Variants in ATE1 observed in about 807,000 individuals in gnomAD.
ATE1 encodes the protein arginyltransferase 1.
A neutral mutation model predicts 70.5 loss-of-function variants in ATE1; 36 were observed. The observed-to-expected ratio is 0.51, with a 90% CI of 0.39 to 0.67. The LOEUF is 0.67. ATE1 is among the 30% of genes least tolerant of loss of function. The pLI is 0.00. For missense variants in ATE1, 593 were observed against 629.5 expected, an observed-to-expected ratio of 0.94 and a Z score of 0.62; for synonymous variants, 232 against 219.3, an observed-to-expected ratio of 1.06 and a Z score of -0.51.
At chr10:121,908,998 GTTGTT>G (rs1213058093) in intron 5 of ATE1, among the ~76,000 whole-genome samples, 2 of 152,172 alleles carry the variant, frequency 1.3e-5, no homozygotes, top group Non-Finnish European at 2.9e-5. Context: ...GATTGTTGTT[GTTGTT>G]TTGAGACAGG....
intron 6 of ATE1, among the ~76,000 whole-genome samples, chr10:121,900,828 G>A (rs1238944080): frequency 6.6e-6 from 1 of 152,152 alleles, no homozygotes; most frequent in African/African-American, 2.4e-5. Context: ...TGTTAAGCGT[G>A]CTTGGCCTCC....
At chr10:121,852,653 G>A (rs1949099131) in intron 8 of ATE1, among the ~76,000 whole-genome samples, 1 of 152,164 alleles carries the variant, frequency 6.6e-6, no homozygotes, top group Non-Finnish European at 1.5e-5. Context: ...AGAGGTTGCA[G>A]TGAGCTGAGA....
At chr10:121,743,996 C>T (rs1335994898) in intron 11 of ATE1, 138 bp from the exon 12 acceptor site, 1 of 908,374 alleles carries the variant, frequency 1.1e-6, no homozygotes, top group Non-Finnish European at 1.6e-6. Flanking sequence ...TGTCTCACCT[C>T]ACTGCAACAT....
intron 8 of ATE1, among the ~76,000 whole-genome samples, chr10:121,868,935 A>G (rs1030702218): frequency 6.6e-6 from 1 of 152,240 alleles, no homozygotes; most frequent in African/African-American, 2.4e-5. Flanking sequence ...TTATAAAAGC[A>G]GAAATGGTCT....
intron 1 of ATE1, chr10:121,927,127 G>A (rs1952124468): frequency 1.0e-6 from 1 of 985,372 alleles, no homozygotes; most frequent in Non-Finnish European, 1.2e-6. Flanking sequence ...TAAACACGAT[G>A]TTTTGTTTAC....
chr10:121,825,553 A>T (rs567304784), intron 10 of ATE1, among the ~76,000 whole-genome samples: 1 of 152,324 alleles, frequency 6.6e-6, no homozygotes, highest in African/African-American at 2.4e-5. Context: ...CTGACAAACG[A>T]AACATGTGAA....
intron 8 of ATE1, among the ~76,000 whole-genome samples, chr10:121,862,475 G>A (rs1308804628): frequency 6.6e-6 from 1 of 151,232 alleles, no homozygotes; most frequent in Non-Finnish European, 1.5e-5. Flanking sequence ...TCCTACCTCA[G>A]CCTCCAGAAT....
At chr10:121,824,329 C>T (rs1471432832) in intron 10 of ATE1, among the ~76,000 whole-genome samples, 1 of 152,172 alleles carries the variant, frequency 6.6e-6, no homozygotes, top group Non-Finnish European at 1.5e-5. Flanking sequence ...TGTCCACATG[C>T]ATCACCCCGG....
chr10:121,831,892 C>A (rs964351139), intron 10 of ATE1, among the ~76,000 whole-genome samples: 1 of 152,148 alleles, frequency 6.6e-6, no homozygotes, highest in South Asian at 2.1e-4. Flanking sequence ...GATCTACAGT[C>A]ACAGTAACTT....
chr10:121,881,160 A>C (rs1264222757), intron 7 of ATE1, among the ~76,000 whole-genome samples: 1 of 152,302 alleles, frequency 6.6e-6, no homozygotes, highest in African/African-American at 2.4e-5. Context: ...AGTAGCTTTC[A>C]ATTTGGCAAC....
chr10:121,866,796 A>T (rs2133995392), intron 8 of ATE1, among the ~76,000 whole-genome samples: 1 of 149,576 alleles, frequency 6.7e-6, no homozygotes, highest in Middle Eastern at 3.5e-3. Context: ...CAGTATGCTG[A>T]GATAGTGCTA....
At chr10:121,910,644 T>A (rs11200246) in intron 5 of ATE1, among the ~76,000 whole-genome samples, 23,616 of 148,512 alleles carry the variant, frequency 0.16, 1,995 homozygotes, top group East Asian at 0.34. Flanking sequence ...TGTAAGGCCC[T>A]AAAGTAGTAA....
At chr10:121,882,758 G>C (rs1950266464) in intron 7 of ATE1, among the ~76,000 whole-genome samples, 1 of 152,178 alleles carries the variant, frequency 6.6e-6, no homozygotes, top group Non-Finnish European at 1.5e-5. Flanking sequence ...GGGCACATTT[G>C]TTCTCAGGCA....
chr10:121,825,260 G>T (rs1276395373), intron 10 of ATE1, among the ~76,000 whole-genome samples: 1 of 152,118 alleles, frequency 6.6e-6, no homozygotes, highest in African/African-American at 2.4e-5. Context: ...CTGAATGAAG[G>T]TTGAAAGGAC....
intron 7 of ATE1, among the ~76,000 whole-genome samples, chr10:121,897,071 C>T (rs1359388392): frequency 1.3e-5 from 2 of 152,150 alleles, no homozygotes; most frequent in Non-Finnish European, 2.9e-5. Context: ...AAAAACCTCT[C>T]TAACCTCCAG....
At chr10:121,884,958 G>A (rs1006207801) in intron 7 of ATE1, among the ~76,000 whole-genome samples, 1 of 152,046 alleles carries the variant, frequency 6.6e-6, no homozygotes, top group Non-Finnish European at 1.5e-5. Context: ...AAGTTAGCCT[G>A]GCTTTAAAAA....
At chr10:121,878,282 T>A (rs1482983571) in intron 7 of ATE1, among the ~76,000 whole-genome samples, 1 of 152,184 alleles carries the variant, frequency 6.6e-6, no homozygotes, top group African/African-American at 2.4e-5. Context: ...GAGCAGTGAC[T>A]ATAAGAGCAT....
At chr10:121,926,368 G>A (rs1221049913) in intron 1 of ATE1, among the ~76,000 whole-genome samples, 1 of 152,026 alleles carries the variant, frequency 6.6e-6, no homozygotes, top group African/African-American at 2.4e-5. Context: ...TCACACTAAG[G>A]AGTTACCCAA....
intron 8 of ATE1, among the ~76,000 whole-genome samples, chr10:121,851,832 C>T (rs1949067520): frequency 6.6e-6 from 1 of 152,220 alleles, no homozygotes. Context: ...AATTTCACCT[C>T]TACCTATACA....
Sources: gnomAD v4.1 joint callset for allele counts (sites outside exome capture counted in the v4.1 genomes callset) on GRCh38, gnomAD v4.1.1 for gene constraint, MANE v1.5 for transcripts, NCBI Gene and HGNC (gene_info 2026-07-23, HGNC 2026-07-21) for gene names.